The following TMEM74 variants were observed in gnomAD, a reference collection of about 807,000 sequenced individuals.
TMEM74 encodes transmembrane protein 74.
Under a neutral mutation model 18.1 loss-of-function variants are expected in TMEM74, and 13 were observed. That is an observed-to-expected ratio of 0.72 (90% CI 0.47 to 1.14). The LOEUF is 1.14. Ranked by LOEUF, TMEM74 falls within the 50% of genes most tolerant of loss-of-function variation. The pLI, the probability that TMEM74 is intolerant of heterozygous loss-of-function variation, is 0.00. For synonymous variants in TMEM74, 159 were observed against 146.6 expected (o/e 1.08, Z -0.61); for missense variants, 372 against 375.9 (o/e 0.99, Z 0.09).
At chr8:108,706,776 G>GGTGTGT (rs3049749) in intron 1 of TMEM74, among the ~76,000 whole-genome samples, 19,571 of 144,822 alleles carry the variant, frequency 0.14, 1,542 homozygotes, top group East Asian at 0.28. Flanking sequence ...AATTACAAGG[G>GGTGTGT]GTGTGTGTGT....
At chr8:108,775,294 C>T (rs182777770), downstream of TMEM74, among the ~76,000 whole-genome samples, 142 of 152,260 alleles carry the variant, frequency 9.3e-4, 3 homozygotes, top group East Asian at 0.023. Flanking sequence ...CTAGGAGTTT[C>T]TTCCTTTTAT....
At chr8:108,748,343 G>A (rs879061802) in intron 1 of TMEM74, among the ~76,000 whole-genome samples, 1 of 152,074 alleles carries the variant, frequency 6.6e-6, no homozygotes, top group Admixed American at 6.5e-5. Flanking sequence ...TCATATGTTT[G>A]TTGGCCACAT....
At chr8:108,676,284 C>T (rs1163952433) in intron 1 of TMEM74, among the ~76,000 whole-genome samples, 6 of 152,264 alleles carry the variant, frequency 3.9e-5, no homozygotes, top group Non-Finnish European at 7.4e-5. Context: ...CCATCTGCTT[C>T]GGAATAAAGC....
At chr8:108,753,854 A>C (rs977832508) in intron 1 of TMEM74, among the ~76,000 whole-genome samples, 5 of 152,000 alleles carry the variant, frequency 3.3e-5, no homozygotes, top group African/African-American at 9.7e-5. Flanking sequence ...TGTGTGAATC[A>C]AGTGTATTTT....
intron 1 of TMEM74, among the ~76,000 whole-genome samples, chr8:108,716,161 G>A (rs1813521405): frequency 6.6e-6 from 1 of 152,028 alleles, no homozygotes; most frequent in Non-Finnish European, 1.5e-5. Flanking sequence ...ATTACTAAGA[G>A]CAAACTTCCA....
intron 1 of TMEM74, among the ~76,000 whole-genome samples, chr8:108,657,733 C>T (rs762003968): frequency 6.7e-5 from 10 of 148,934 alleles, no homozygotes; most frequent in Non-Finnish European, 1.2e-4. Context: ...ATCTCAGCCA[C>T]TCAGGAGGCT....
At chr8:108,679,175 C>T (rs1813087377) in intron 1 of TMEM74, among the ~76,000 whole-genome samples, 1 of 152,080 alleles carries the variant, frequency 6.6e-6, no homozygotes, top group South Asian at 2.1e-4. Flanking sequence ...GGTTCCAAGT[C>T]TTTGCTATTG....
chr8:108,757,590 C>T (rs1586286993), intron 1 of TMEM74, among the ~76,000 whole-genome samples: 1 of 151,782 alleles, frequency 6.6e-6, no homozygotes, highest in African/African-American at 2.4e-5. Context: ...TACATGTTTG[C>T]TGATATAAAT....
intron 1 of TMEM74, among the ~76,000 whole-genome samples, chr8:108,711,783 A>G (rs1813478190): frequency 6.6e-6 from 1 of 152,176 alleles, no homozygotes; most frequent in Non-Finnish European, 1.5e-5. Context: ...TGTCAGGAGA[A>G]GACATTACTA....
At chr8:108,701,577 A>T (rs1046614029) in intron 1 of TMEM74, among the ~76,000 whole-genome samples, 1 of 152,208 alleles carries the variant, frequency 6.6e-6, no homozygotes, top group African/African-American at 2.4e-5. Context: ...TACAAAGGTC[A>T]ATTGCTTTCC....
rs1586272559 is a variant in TMEM74, at chr8:108,719,097, A to G, written n.120-63660T>C. ...AATGCATATTTTGAGAGTAAACTCA[A>G]TTAGAGTAGAGCAGTTTTTAGAAGA... On this transcript the variant is annotated intron_variant and non_coding_transcript_variant, in intron 1 of 3. Coordinates refer to the TMEM74 transcript ENST00000518838. Among the ~76,000 whole-genome samples the G allele has an allele frequency of 4.6e-5, 7 of 152,166 alleles. 1 individual carries two copies. The highest frequency in any genetic ancestry group is 3.9e-4 in the Admixed American group (6 of 15,272).
rs193162319 is a variant in TMEM74, at chr8:108,782,154, C to T, written c.*2027G>A. Among the ~76,000 whole-genome samples, 81 of 152,142 alleles carry T rather than the reference C, an allele frequency of 5.3e-4. No individual in the cohort carries two copies. The highest frequency in any genetic ancestry group is 9.0e-4 in the Non-Finnish European group (61 of 68,008). Reference sequence around the variant, plus strand: ...TCAGCAGATCGTTTCCTTCTTGTTTCAACATCATCCAAAGTGGATCCTTAA... The same window carrying T: ...TCAGCAGATCGTTTCCTTCTTGTTTTAACATCATCCAAAGTGGATCCTTAA... On this transcript the variant is annotated 3_prime_UTR_variant, in exon 2 of 2. Coordinates refer to ENST00000297459, the MANE Select transcript of TMEM74 (RefSeq NM_153015.3).
chr8:108,621,071 G>T (rs1451547965), intron 2 of TMEM74, among the ~76,000 whole-genome samples: 1 of 152,150 alleles, frequency 6.6e-6, no homozygotes, highest in Admixed American at 6.5e-5. Flanking sequence ...ATTTCCAGAT[G>T]CCCAGCTGAA....
At chr8:108,776,729 A>G, downstream of TMEM74, among the ~76,000 whole-genome samples, 1 of 76,486 alleles carries the variant, frequency 1.3e-5, no homozygotes, top group East Asian at 2.8e-4. Flanking sequence ...CAGTTTCCAC[A>G]TGATGATGAT....
chr8:108,686,425 A>G (rs1813168103), intron 1 of TMEM74, among the ~76,000 whole-genome samples: 7 of 151,394 alleles, frequency 4.6e-5, no homozygotes, highest in Admixed American at 4.6e-4. Context: ...GATGGTCTCG[A>G]TCTCCTGACC....
At chr8:108,742,342 T>C (rs1813809318) in intron 1 of TMEM74, among the ~76,000 whole-genome samples, 1 of 152,216 alleles carries the variant, frequency 6.6e-6, no homozygotes, top group Non-Finnish European at 1.5e-5. Flanking sequence ...TTGTGCCTTA[T>C]GCATGTATTA....
chr8:108,682,282 C>T (rs1489788185), intron 1 of TMEM74, among the ~76,000 whole-genome samples: 1 of 151,956 alleles, frequency 6.6e-6, no homozygotes. Context: ...TTCTCTTCAC[C>T]CCCACTATGC....
chr8:108,743,058 A>G (rs533950088), intron 1 of TMEM74, among the ~76,000 whole-genome samples: 4 of 152,324 alleles, frequency 2.6e-5, no homozygotes, highest in Non-Finnish European at 5.9e-5. Flanking sequence ...ATGCATTGCA[A>G]CAGCCTTGAA....
At chr8:108,667,446 G>C (rs1227584057) in intron 1 of TMEM74, among the ~76,000 whole-genome samples, 2 of 152,066 alleles carry the variant, frequency 1.3e-5, no homozygotes, top group Admixed American at 1.3e-4. Context: ...TTTTTGATGA[G>C]TCACTCTTTT....
Sources: allele counts gnomAD v4.1 joint callset (sites outside exome capture counted in the v4.1 genomes callset), GRCh38; gene constraint gnomAD v4.1.1; transcripts MANE v1.5; gene names NCBI Gene and HGNC (gene_info 2026-07-23, HGNC 2026-07-21).